The following ZNF25 variants were observed in gnomAD, a reference collection of about 807,000 sequenced individuals.
ZNF25 encodes zinc finger protein 25, also known as zinc finger protein 25 (KOX 19).
Under a neutral mutation model 30.9 loss-of-function variants are expected in ZNF25, and 21 were observed. The ratio of observed to expected loss-of-function variants is 0.68; its 90% CI spans 0.48 to 0.98. The LOEUF (loss-of-function observed/expected upper bound fraction) is 0.98. Among genes scored for constraint, ZNF25 ranks in the 50% least tolerant of loss-of-function variants. The pLI is 0.00. For missense variants in ZNF25, 501 were observed against 529.9 expected (o/e 0.95, Z 0.54); for synonymous variants, 169 against 181.3 (o/e 0.93, Z 0.55).
chr10:37,961,556 C>G (rs2062873205), intron 2 of ZNF25, among the ~76,000 whole-genome samples: 1 of 151,940 alleles, frequency 6.6e-6, no homozygotes, highest in Non-Finnish European at 1.5e-5. Context: ...AACGATGCAC[C>G]ATATTTGCAA....
intron 1 of ZNF25, among the ~76,000 whole-genome samples, chr10:37,975,121 G>A (rs1055635784): frequency 4.6e-5 from 7 of 152,200 alleles, no homozygotes; most frequent in African/African-American, 1.7e-4. Flanking sequence ...GAAGTAGGGA[G>A]TGAGGAATGA....
chr10:37,975,516 G>A (rs2063759728), intron 1 of ZNF25, among the ~76,000 whole-genome samples: 1 of 152,132 alleles, frequency 6.6e-6, no homozygotes, highest in South Asian at 2.1e-4. Flanking sequence ...AGGAACTGAT[G>A]AACTGCAGTT....
At chr10:37,957,972 G>A (rs755351613) in intron 2 of ZNF25, among the ~76,000 whole-genome samples, 33 of 152,186 alleles carry the variant, frequency 2.2e-4, no homozygotes, top group Non-Finnish European at 4.0e-4. Context: ...TAGCCTAGAA[G>A]CAATGGGCTA....
Position 37,953,102 on chromosome 10 carries a change from G to A in ZNF25, c.396C>T (p.Ala132=), listed in dbSNP as rs2062273061. The A allele has an allele frequency of 6.2e-7, 1 of 1,613,318 alleles. No homozygotes were observed. Among genetic ancestry groups the A allele is most frequent in the East Asian group, 2.2e-5 (1 of 44,840 alleles). ...ECGKFFCQKS[A]LIVHQHTHSK... ...AGTGAGTATGCTGATGTACTATGAGGGCAGACTTCTGGCAGAAGAACTTCC... is the reference window on the plus strand; with the variant it reads ...AGTGAGTATGCTGATGTACTATGAGAGCAGACTTCTGGCAGAAGAACTTCC... The change falls in exon 6 of 6, where the codon GCC becomes GCT. Residue 132 remains alanine, a synonymous_variant. Transcript: ENST00000302609.
chr10:37,966,064 GA>G (rs988951560), intron 2 of ZNF25, among the ~76,000 whole-genome samples: 3 of 151,892 alleles, frequency 2.0e-5, no homozygotes, highest in Non-Finnish European at 4.4e-5. Flanking sequence ...TGGTACATTA[GA>G]AAAAAAATTA....
chr10:37,966,421 A>AG (rs2063188542), intron 2 of ZNF25, among the ~76,000 whole-genome samples: 2 of 151,914 alleles, frequency 1.3e-5, no homozygotes, highest in Non-Finnish European at 2.9e-5. Context: ...CTCAATTAAA[A>AG]AAAAAAAAAA....
chr10:37,969,189 C>T (rs369520585), intron 2 of ZNF25, among the ~76,000 whole-genome samples: 10 of 152,066 alleles, frequency 6.6e-5, no homozygotes, highest in Non-Finnish European at 7.4e-5. Context: ...GAATGTAAAA[C>T]GGTGCAGCTG....
intron 4 of ZNF25, among the ~76,000 whole-genome samples, chr10:37,956,095 C>T (rs552241446): frequency 9.2e-5 from 14 of 152,262 alleles, no homozygotes; most frequent in African/African-American, 2.6e-4. Flanking sequence ...TTAGAAAATA[C>T]GTGACAAACA....
chr10:37,957,094 T>G lies in ZNF25; in HGVS notation c.164A>C (p.Asn55Thr), dbSNP rs781440248. 6.2e-7 allele frequency: 1 copy of G among 1,614,050 alleles called. No homozygotes were observed. The highest frequency in any genetic ancestry group is 8.5e-7 in the Non-Finnish European group (1 of 1,179,994). Residue 55 changes from asparagine (N) to threonine (T), a missense_variant, in exon 4 of 6, where the codon AAT (asparagine) becomes ACT (threonine). Coordinates refer to ENST00000302609, the MANE Select transcript of ZNF25 (RefSeq NM_145011.4). Reference sequence around the variant, plus strand: ...TCCTTGCTTCAACTTGAAGACTGCATTTGGCTTATTCACATGGTAACCTAT... The same window carrying G: ...TCCTTGCTTCAACTTGAAGACTGCAGTTGGCTTATTCACATGGTAACCTAT... ...VSVGYHVNKP[N>T]AVFKLKQGKE...
chr10:37,968,538 T>C (rs186918897), intron 2 of ZNF25, among the ~76,000 whole-genome samples: 20 of 152,090 alleles, frequency 1.3e-4, no homozygotes, highest in Non-Finnish European at 1.9e-4. Context: ...GTATTTTTAG[T>C]AGAGACAGGG....
At chr10:37,964,043 G>C (rs1261905868) in intron 2 of ZNF25, among the ~76,000 whole-genome samples, 1 of 152,086 alleles carries the variant, frequency 6.6e-6, no homozygotes, top group East Asian at 1.9e-4. Flanking sequence ...TGCTCCCACT[G>C]TCACTATGTG....
At chr10:37,963,235 G>A (rs575096072) in intron 2 of ZNF25, among the ~76,000 whole-genome samples, 1 of 151,682 alleles carries the variant, frequency 6.6e-6, no homozygotes, top group Non-Finnish European at 1.5e-5. Flanking sequence ...CACTTCCCCC[G>A]CCCCAGGCTC....
At position 37,951,085 on chromosome 10, in the gene ZNF25, A is replaced by G. The variant is rs965558845; in HGVS notation, c.*1042T>C. ...CTTGACTGACATTTGAAAATTTTAC[A>G]AAAACATTTTAACTTATTTTTGAAG... On this transcript the variant is annotated 3_prime_UTR_variant, in exon 6 of 6. Coordinates refer to ENST00000302609, the MANE Select transcript of ZNF25 (RefSeq NM_145011.4). 3 of 152,210 alleles carry G rather than the reference A, an allele frequency of 2.0e-5. No homozygotes were observed. The highest frequency in any genetic ancestry group is 1.3e-4 in the Admixed American group (2 of 15,274). The allele number at this position is 152,210 out of a possible 1,614,324, so 9.4% of individuals were successfully genotyped here.
chr10:37,972,716 C>A (rs182759423), intron 1 of ZNF25, among the ~76,000 whole-genome samples: 188 of 152,210 alleles, frequency 1.2e-3, no homozygotes, highest in Non-Finnish European at 2.2e-3. Flanking sequence ...GCAGCAGAAA[C>A]CATGCAGGGC....
At chr10:37,958,291 A>AAACCT (rs1287004459) in intron 2 of ZNF25, among the ~76,000 whole-genome samples, 1 of 152,234 alleles carries the variant, frequency 6.6e-6, no homozygotes, top group Non-Finnish European at 1.5e-5. Context: ...TTAGGTGGTC[A>AAACCT]AACTGACTAA....
intron 1 of ZNF25, 75 bp from the exon 2 acceptor site, chr10:37,971,882 G>A: frequency 1.1e-6 from 1 of 942,486 alleles, no homozygotes; most frequent in Non-Finnish European, 1.6e-6. Context: ...CCATTAGAAA[G>A]CATAGTAAGG....
At chr10:37,953,350 A>T in intron 5 of ZNF25, 155 bp from the exon 6 acceptor site, 1 of 703,440 alleles carries the variant, frequency 1.4e-6, no homozygotes, top group South Asian at 2.0e-5. Flanking sequence ...CACTGTGAGC[A>T]TTCTCTGACC....
chr10:37,974,313 T>C (rs2063672655), intron 1 of ZNF25, among the ~76,000 whole-genome samples: 1 of 152,068 alleles, frequency 6.6e-6, no homozygotes, highest in East Asian at 1.9e-4. Flanking sequence ...CACAGCAAAG[T>C]AAGCAATAAC....
chr10:37,971,173 G>A (rs2063467304), intron 2 of ZNF25, among the ~76,000 whole-genome samples: 3 of 151,938 alleles, frequency 2.0e-5, no homozygotes, highest in African/African-American at 7.3e-5. Flanking sequence ...AAAATTAGCT[G>A]GGCATGGTGG....
Sources: gnomAD v4.1 joint callset for allele counts (sites outside exome capture counted in the v4.1 genomes callset) on GRCh38, gnomAD v4.1.1 for gene constraint, MANE v1.5 for transcripts, NCBI Gene and HGNC (gene_info 2026-07-23, HGNC 2026-07-21) for gene names.